Variants in MTERF1 observed in about 807,000 individuals in gnomAD.
MTERF1 encodes the protein mitochondrial transcription termination factor 1.
Under a neutral mutation model 31.6 loss-of-function variants are expected in MTERF1, and 29 were observed. The ratio of observed to expected loss-of-function variants is 0.92; its 90% CI spans 0.68 to 1.25. The LOEUF is 1.25. Among genes scored for constraint, MTERF1 ranks in the 50% most tolerant of loss-of-function variants. MTERF1 has a pLI of 0.00. For missense variants in MTERF1, 500 were observed against 469.1 expected (o/e 1.07, Z -0.61); for synonymous variants, 152 against 164.1 (o/e 0.93, Z 0.57).
Position 91,874,684 on chromosome 7 carries a change from G to C in MTERF1, c.110C>G (p.Ser37Ter). The change falls in exon 3 of 3, where the codon TCA becomes TGA. Residue 37 changes from serine (S) to a stop codon, truncating the protein, a stop_gained. Transcript: ENST00000351870. LOFTEE classifies it high-confidence loss of function. ...WHMRNNFLFG[S>*]RCWMTRFSAE... ...TGAAAATCGAGTCATCCAACATCTT[G>C]AACCAAAGAGAAAGTTATTTCTCAT... 6.2e-7 allele frequency: 1 copy of C among 1,614,062 alleles called. No individual in the cohort carries two copies. Among genetic ancestry groups the C allele is most frequent in the Non-Finnish European group, 8.5e-7 (1 of 1,180,004 alleles).
At position 91,873,418 on chromosome 7, in the gene MTERF1, T is replaced by C; in HGVS notation, c.*176A>G. The C allele has an allele frequency of 1.7e-6, 1 of 602,710 alleles. No individual in the cohort carries two copies. The highest frequency in any genetic ancestry group is 2.8e-6 in the Non-Finnish European group (1 of 356,210). 37.3% of individuals were successfully genotyped at this position (602,710 alleles called of 1,614,324 possible). ...GATCACTCTGACCTCCTCTTTTGCCTCCCTCTTCAACTTTTAAAGATCCCT... is the reference window on the plus strand; with the variant it reads ...GATCACTCTGACCTCCTCTTTTGCCCCCCTCTTCAACTTTTAAAGATCCCT... On this transcript the variant is annotated 3_prime_UTR_variant, in exon 3 of 3. Transcript: ENST00000351870.
Position 91,871,702 on chromosome 7 carries a change from G to A in MTERF1, c.*1892C>T, listed in dbSNP as rs1050342373. 1 of 152,166 alleles carries A rather than the reference G, an allele frequency of 6.6e-6. No homozygotes were observed. The highest frequency in any genetic ancestry group is 1.5e-5 in the Non-Finnish European group (1 of 68,042). The allele number at this position is 152,166 out of a possible 1,614,324, so 9.4% of individuals were successfully genotyped here. A position where few individuals can be genotyped will look rare whatever the true frequency, so the allele number is the denominator to read the frequency against. On this transcript the variant is annotated 3_prime_UTR_variant, in exon 3 of 3. Coordinates refer to ENST00000351870, the MANE Select transcript of MTERF1 (RefSeq NM_006980.5). The stretch of plus-strand genomic sequence containing the variant: ...TTGCTTAGGCTTGGGGGAACAAATG[G>A]AGGGAAATAATGGGGATTCACTAAC...
In MTERF1 at chr7:91,872,595, T is replaced by C. The variant is rs1364323623; in HGVS notation, c.*999A>G. The C allele has an allele frequency of 1.3e-5, 2 of 152,200 alleles. No individual in the cohort carries two copies. The highest frequency in any genetic ancestry group is 2.9e-5 in the Non-Finnish European group (2 of 68,018). 9.4% of individuals were successfully genotyped at this position (152,200 alleles called of 1,614,324 possible). ...ATATTGTTTTTATCAATAGTAGGAA[T>C]AAGGTTTTTTGAAGTATCACTGATA... is the stretch of plus-strand genomic sequence containing the variant. On this transcript the variant is annotated 3_prime_UTR_variant, in exon 3 of 3. Transcript: ENST00000351870.
intron 2 of MTERF1, 82 bp downstream of exon 2, chr7:91,879,973 C>G: frequency 1.3e-6 from 2 of 1,518,360 alleles, no homozygotes. Context: ...TAACTAATCA[C>G]TGGCCCTAAA....
Position 91,873,238 on chromosome 7 carries a change from G to A in MTERF1, c.*356C>T, listed in dbSNP as rs560448414. The A allele has an allele frequency of 4.0e-4, 69 of 170,938 alleles. No individual in the cohort carries two copies. In the South Asian group the frequency reaches 6.7e-3, roughly 17 times the overall value. The allele number at this position is 170,938 out of a possible 1,614,324, so 10.6% of individuals were successfully genotyped here. A position where few individuals can be genotyped will look rare whatever the true frequency, so the allele number is the denominator to read the frequency against. Reference sequence around the variant, plus strand: ...CACTGGGCTAAAAAGGTGCCAGCAAGGCTGCATTCCTTTCTGGGGACTCTA... The same window carrying A: ...CACTGGGCTAAAAAGGTGCCAGCAAAGCTGCATTCCTTTCTGGGGACTCTA... On this transcript the variant is annotated 3_prime_UTR_variant, in exon 3 of 3. Coordinates refer to ENST00000351870, the MANE Select transcript of MTERF1 (RefSeq NM_006980.5).
chr7:91,880,104 A>G lies in MTERF1; in HGVS notation c.-21T>C. 1 of 1,613,624 alleles carries G rather than the reference A, an allele frequency of 6.2e-7. No individual in the cohort carries two copies. Among genetic ancestry groups the G allele is most frequent in the South Asian group, 1.1e-5 (1 of 90,974 alleles). ...TGCATCCCTCCAGAAAGGCTGGAGAACAGCTATCTCTGGAAATGACACACA... is the reference window on the plus strand; with the variant it reads ...TGCATCCCTCCAGAAAGGCTGGAGAGCAGCTATCTCTGGAAATGACACACA... On this transcript the variant is annotated 5_prime_UTR_variant, in exon 2 of 3. Coordinates refer to ENST00000351870, the MANE Select transcript of MTERF1 (RefSeq NM_006980.5).
In MTERF1 at chr7:91,874,334, G is replaced by T. The variant is rs561056750; in HGVS notation, c.460C>A (p.Leu154Ile). The T allele has an allele frequency of 4.3e-6, 7 of 1,614,054 alleles. No individual in the cohort carries two copies. Among genetic ancestry groups the T allele is most frequent in the Non-Finnish European group, 5.9e-6 (7 of 1,180,020 alleles). Residue 154 changes from leucine to isoleucine, a missense_variant, in exon 3 of 3, where the codon CTT becomes ATT. Transcript: ENST00000351870. ...CGTTCCAAAATATTTACAATTTCAA[G>T]GTCTGATGTCACAATCTTTCTCCAC... is the stretch of plus-strand genomic sequence containing the variant. ...DLWRKIVTSD[L>I]EIVNILERSP... is the part of the protein sequence containing the mutation.
At position 91,873,944 on chromosome 7, in the gene MTERF1, G is replaced by C. The variant is rs1367863351; in HGVS notation, c.850C>G (p.Leu284Val). 1 of 1,613,990 alleles carries C rather than the reference G, an allele frequency of 6.2e-7. No homozygotes were observed. The highest frequency in any genetic ancestry group is 8.5e-7 in the Non-Finnish European group (1 of 1,180,014). ...ICGPGAEILD[L>V]SNDYARRSYA... ...CTTCTTCTGGCATAGTCATTGGAAA[G>C]GTCTAGGATTTCAGCTCCTGGACCA... Residue 284 changes from leucine to valine, a missense_variant, in exon 3 of 3, where the codon CTT becomes GTT. Physicochemically the swap from Leu to Val is conservative, Grantham distance 32. Coordinates refer to ENST00000351870, the MANE Select transcript of MTERF1 (RefSeq NM_006980.5).
chr7:91,877,170 T>C (rs1235212444), intron 2 of MTERF1, among the ~76,000 whole-genome samples: 1 of 152,242 alleles, frequency 6.6e-6, no homozygotes, highest in Non-Finnish European at 1.5e-5. Flanking sequence ...ATTGACAATG[T>C]ACACAATCAA....
At position 91,878,757 on chromosome 7, in the gene MTERF1, C is replaced by T. The variant is rs145654403; in HGVS notation, c.29+1298G>A. 1.6e-4 allele frequency among the ~76,000 whole-genome samples: 24 copies of T among 152,262 alleles called. No individual in the cohort carries two copies. In the East Asian group the frequency reaches 4.4e-3, roughly 28 times the overall value. Reference sequence around the variant, plus strand: ...GGCTGAGGTAGGAGGACTGCTTGAGCCCAGGAGATCCAGACTGCAGTGAGC... The same window carrying T: ...GGCTGAGGTAGGAGGACTGCTTGAGTCCAGGAGATCCAGACTGCAGTGAGC... On this transcript the variant is annotated intron_variant, in intron 2 of 2. Coordinates refer to ENST00000351870, the MANE Select transcript of MTERF1 (RefSeq NM_006980.5).
intron 2 of MTERF1, among the ~76,000 whole-genome samples, chr7:91,878,556 CA>C (rs1415484985): frequency 2.0e-5 from 3 of 152,254 alleles, no homozygotes; most frequent in Middle Eastern, 3.4e-3. Flanking sequence ...AAAAAAGGGC[CA>C]GGGGCAGCGG....
intron 2 of MTERF1, 129 bp downstream of exon 2, chr7:91,879,926 C>T: frequency 9.6e-7 from 1 of 1,037,288 alleles, no homozygotes; most frequent in Admixed American, 2.2e-5. Flanking sequence ...TCGCCTCTGC[C>T]CCACAACTGG....
At chr7:91,879,284 T>C (rs1349468437) in intron 2 of MTERF1, among the ~76,000 whole-genome samples, 1 of 152,208 alleles carries the variant, frequency 6.6e-6, no homozygotes. Context: ...CAATATACTA[T>C]AAAGGTGCCA....
rs11983332 is a variant in MTERF1, at chr7:91,872,936, T to A, written c.*658A>T. The A allele has an allele frequency of 6.6e-6, 1 of 152,188 alleles. No individual in the cohort carries two copies. The highest frequency in any genetic ancestry group is 1.5e-5 in the Non-Finnish European group (1 of 68,026). The allele number at this position is 152,188 out of a possible 1,614,324, so 9.4% of individuals were successfully genotyped here. A position where few individuals can be genotyped will look rare whatever the true frequency, so the allele number is the denominator to read the frequency against. On this transcript the variant is annotated 3_prime_UTR_variant, in exon 3 of 3. Coordinates refer to ENST00000351870, the MANE Select transcript of MTERF1 (RefSeq NM_006980.5). ...ATTTAGATTTTATATTCACATTTAG[T>A]TTTTTATGCACACATTTAAGACTTT...
rs1274618351 is a variant in MTERF1, at chr7:91,874,544, C to T, written c.250G>A (p.Val84Ile). 1 of 1,614,108 alleles carries T rather than the reference C, an allele frequency of 6.2e-7. No individual in the cohort carries two copies. The highest frequency in any genetic ancestry group is 1.3e-5 in the African/African-American group (1 of 75,028). ...DLLKNLLTMG[V>I]DIDMARKRQP... ...CGTTTCCTTGCCATGTCAATATCTA[C>T]TCCCATAGTAAGTAAGTTTTTCAGT... Residue 84 changes from valine to isoleucine, a missense_variant, in exon 3 of 3, where the codon GTA becomes ATA. Physicochemically the swap from Val to Ile is conservative, Grantham distance 29. Coordinates refer to ENST00000351870, the MANE Select transcript of MTERF1 (RefSeq NM_006980.5).
intron 2 of MTERF1, among the ~76,000 whole-genome samples, chr7:91,878,586 G>C (rs142026825): frequency 8.9e-4 from 136 of 152,312 alleles, no homozygotes; most frequent in African/African-American, 3.0e-3. Flanking sequence ...TGTAATGCCA[G>C]CATTTTGGAA....
intron 2 of MTERF1, among the ~76,000 whole-genome samples, 189 bp from the exon 3 acceptor site, chr7:91,874,953 T>C (rs1016049334): frequency 6.6e-6 from 1 of 152,176 alleles, no homozygotes; most frequent in African/African-American, 2.4e-5. Context: ...CAATTTATAT[T>C]TGTCTTAGCC....
At position 91,873,597 on chromosome 7, in the gene MTERF1, G is replaced by A. The variant is rs982111065; in HGVS notation, c.1197C>T (p.Ala399=). 2.5e-6 allele frequency: 4 copies of A among 1,599,792 alleles called. No homozygotes were observed. Among genetic ancestry groups the A allele is most frequent in the Non-Finnish European group, 3.4e-6 (4 of 1,174,114 alleles). ...EAKLKKLSRF[A] is the part of the protein sequence containing the mutation. The stretch of plus-strand genomic sequence containing the variant: ...AGAATTAAAAACATTGGCATCCTTA[G>A]GCAAATCTGCTTAACTTTTTCAATT... Residue 399 remains alanine (A), a synonymous_variant, in exon 3 of 3, where the codon GCC becomes GCT. Coordinates refer to ENST00000351870, the MANE Select transcript of MTERF1 (RefSeq NM_006980.5).
chr7:91,875,256 CTTTT>C lies in MTERF1; in HGVS notation c.30-496_30-493del, dbSNP rs528691117. Reference sequence around the variant, plus strand: ...CTGCTTTGTCCTCCTGATTTCCAAACTTTTTTTTTTTGACACAGGGTCTCACTCT... The same window carrying C: ...CTGCTTTGTCCTCCTGATTTCCAAACTTTTTTTGACACAGGGTCTCACTCT... On this transcript the variant is annotated intron_variant, in intron 2 of 2. Transcript: ENST00000351870. 1.4e-4 allele frequency among the ~76,000 whole-genome samples: 20 copies of C among 147,276 alleles called. No individual in the cohort carries two copies. The East Asian group carries it at 4.0e-3, about 29-fold the overall frequency.
Sources: gnomAD v4.1 joint callset for allele counts (sites outside exome capture counted in the v4.1 genomes callset) on GRCh38, gnomAD v4.1.1 for gene constraint, MANE v1.5 for transcripts, NCBI Gene and HGNC (gene_info 2026-07-23, HGNC 2026-07-21) for gene names.